Variants in GABRG3 observed in about 807,000 individuals in gnomAD.
GABRG3 encodes gamma-aminobutyric acid type A receptor subunit gamma3, also known as gamma-aminobutyric acid receptor subunit gamma-3.
In GABRG3, 25 loss-of-function variants were observed where a neutral mutation model predicts 48.8. The ratio of observed to expected loss-of-function variants is 0.51; its 90% CI spans 0.37 to 0.72. The LOEUF is 0.72. GABRG3 is among the 30% of genes least tolerant of loss of function. The pLI, the probability that GABRG3 is intolerant of heterozygous loss-of-function variation, is 0.00. For synonymous variants in GABRG3, 227 were observed against 217.6 expected, an observed-to-expected ratio of 1.04 and a Z score of -0.38; for missense variants, 394 against 577.9, an observed-to-expected ratio of 0.68 and a Z score of 3.26.
chr15:27,517,043 T>C (rs2150860820), intron 6 of GABRG3, among the ~76,000 whole-genome samples: 2 of 152,130 alleles, frequency 1.3e-5, no homozygotes, highest in South Asian at 4.2e-4. Flanking sequence ...ACTAGGACTT[T>C]GGTGCCACTG....
intron 3 of GABRG3, among the ~76,000 whole-genome samples, chr15:27,028,545 G>A (rs751889761): frequency 6.6e-5 from 10 of 152,244 alleles, no homozygotes; most frequent in Admixed American, 2.0e-4. Context: ...AGTGGCTCAC[G>A]CCTGTAATCC....
intron 3 of GABRG3, among the ~76,000 whole-genome samples, chr15:27,237,485 T>C (rs1393186601): frequency 6.6e-6 from 1 of 152,076 alleles, no homozygotes; most frequent in Non-Finnish European, 1.5e-5. Flanking sequence ...CAGCCGGCAG[T>C]CGCCAACAGC....
chr15:27,270,511 G>A (rs1206969390), intron 3 of GABRG3, among the ~76,000 whole-genome samples: 2 of 152,160 alleles, frequency 1.3e-5, no homozygotes, highest in Admixed American at 6.5e-5. Context: ...ACTGCCTGAT[G>A]TCACTCATAT....
At chr15:27,011,016 C>A (rs1041719804) in intron 2 of GABRG3, among the ~76,000 whole-genome samples, 3 of 151,926 alleles carry the variant, frequency 2.0e-5, no homozygotes, top group East Asian at 1.9e-4. Flanking sequence ...CAAGCTAATT[C>A]TTGTATTTTT....
chr15:27,157,119 A>AT (rs1259305413), intron 3 of GABRG3, among the ~76,000 whole-genome samples: 2 of 152,240 alleles, frequency 1.3e-5, no homozygotes, highest in Non-Finnish European at 2.9e-5. Context: ...GGTAGAGAGT[A>AT]TTGCACTATA....
intron 6 of GABRG3, 56 bp downstream of exon 6, chr15:27,480,843 T>C: frequency 4.4e-6 from 7 of 1,595,620 alleles, no homozygotes; most frequent in Non-Finnish European, 6.0e-6. Flanking sequence ...CCTAAGGCCA[T>C]ATGTAGTCAT....
At chr15:27,410,839 C>T (rs1887772670) in intron 5 of GABRG3, among the ~76,000 whole-genome samples, 1 of 132,722 alleles carries the variant, frequency 7.5e-6, no homozygotes, top group African/African-American at 2.9e-5. Flanking sequence ...CACACGTGCG[C>T]ACGCTCGTGT....
intron 3 of GABRG3, among the ~76,000 whole-genome samples, chr15:27,281,784 T>A (rs1004434184): frequency 2.6e-5 from 4 of 151,962 alleles, no homozygotes; most frequent in African/African-American, 7.2e-5. Flanking sequence ...ATATATTTTT[T>A]AAAAAACTGA....
chr15:27,304,608 G>A (rs1326509879), intron 3 of GABRG3, among the ~76,000 whole-genome samples: 1 of 151,828 alleles, frequency 6.6e-6, no homozygotes, highest in African/African-American at 2.4e-5. Context: ...ATCCATGACT[G>A]CATGACTCTG....
rs567528863 is a variant in GABRG3 at position 27,180,055 on chromosome 15, C to A, written c.271-146754C>A. On this transcript the variant is annotated intron_variant, in intron 3 of 9. Transcript: ENST00000615808. This position sits in a 1 kb window ranked among gnomAD's most constrained non-coding sequence, Gnocchi z 4.2. ...GCCTTCTGCAGAGCCACTGCCTGAT[C>A]GAACATCTCTGTGAGTCTTGGCCTT... 2.0e-5 allele frequency among the ~76,000 whole-genome samples: 3 copies of A among 152,134 alleles called. No individual in the cohort carries two copies. The highest frequency in any genetic ancestry group is 7.2e-5 in the African/African-American group (3 of 41,414).
intron 5 of GABRG3, among the ~76,000 whole-genome samples, chr15:27,403,096 TAAAG>T (rs996961476): frequency 6.7e-6 from 1 of 149,376 alleles, no homozygotes; most frequent in African/African-American, 2.5e-5. Context: ...CAATAAACAA[TAAAG>T]AAACAGTGAA....
At chr15:27,005,358 G>A (rs1005417498) in intron 2 of GABRG3, among the ~76,000 whole-genome samples, 3 of 152,084 alleles carry the variant, frequency 2.0e-5, no homozygotes, top group Non-Finnish European at 2.9e-5. Context: ...AGGCCACCAC[G>A]CCCAGCTTTA....
intron 5 of GABRG3, among the ~76,000 whole-genome samples, chr15:27,360,508 G>C (rs573170860): frequency 8.5e-5 from 13 of 152,176 alleles, no homozygotes; most frequent in Non-Finnish European, 1.6e-4. Context: ...GATTTTATCA[G>C]CATGAATCAC....
intron 3 of GABRG3, among the ~76,000 whole-genome samples, chr15:27,140,544 G>A (rs1898084965): frequency 6.6e-6 from 1 of 152,024 alleles, no homozygotes; most frequent in South Asian, 2.1e-4. Context: ...AACTGGGATT[G>A]GACCATCAGC....
chr15:27,169,667 A>G (rs1887498750), intron 3 of GABRG3, among the ~76,000 whole-genome samples: 1 of 152,206 alleles, frequency 6.6e-6, no homozygotes, highest in African/African-American at 2.4e-5. Context: ...CGGCCACTCC[A>G]TCTCGGCAGG....
Position 27,352,346 on chromosome 15 carries a change from A to G in GABRG3, c.574+23458A>G, listed in dbSNP as rs190231553. Among the ~76,000 whole-genome samples, 227 of 152,084 alleles carry G rather than the reference A, an allele frequency of 1.5e-3. No individual in the cohort carries two copies. The highest frequency in any genetic ancestry group is 5.2e-3 in the African/African-American group (214 of 41,436). On this transcript the variant is annotated intron_variant, in intron 5 of 9. Transcript: ENST00000615808. This position sits in a 1 kb window ranked among gnomAD's most constrained non-coding sequence, Gnocchi z 4.0. ...AGCACGATTATCCCCCGCACACTTC[A>G]AGGGGTGATGGGGTGGGATCTCTGC...
At chr15:27,120,495 A>G (rs148190361) in intron 3 of GABRG3, among the ~76,000 whole-genome samples, 41 of 152,210 alleles carry the variant, frequency 2.7e-4, no homozygotes, top group African/African-American at 9.6e-4. Context: ...AATTCTGGCT[A>G]TTGCTTTTGC....
intron 3 of GABRG3, among the ~76,000 whole-genome samples, chr15:27,084,885 A>G (rs1897050706): frequency 6.6e-6 from 1 of 152,184 alleles, no homozygotes; most frequent in African/African-American, 2.4e-5. Context: ...GGATCAACAT[A>G]AAACGTGGCT....
rs1211475108 is a variant in GABRG3, at chr15:27,004,119, CG to C, written c.203-22629del. On this transcript the variant is annotated intron_variant, in intron 2 of 9. Coordinates refer to ENST00000615808, the MANE Select transcript of GABRG3 (RefSeq NM_033223.5). ...CTCCCGGACGGGGCGGCTGGCCGGG[CG>C]GGGGGCTGACCCCCCCACCTCCCTC... Among the ~76,000 whole-genome samples the C allele has an allele frequency of 2.8e-4, 41 of 144,542 alleles. No homozygotes were observed. The South Asian group carries it at 8.7e-3, about 31-fold the overall frequency. The allele number at this position is 144,542 out of a possible 152,430, so 94.8% of individuals were successfully genotyped here.
Sources: allele counts gnomAD v4.1 joint callset (sites outside exome capture counted in the v4.1 genomes callset), GRCh38; gene constraint gnomAD v4.1.1; non-coding constraint Gnocchi (gnomAD v3.1); transcripts MANE v1.5; gene names NCBI Gene and HGNC (gene_info 2026-07-23, HGNC 2026-07-21).